The following SYMPK variants were observed in gnomAD, a reference collection of about 807,000 sequenced individuals.
The protein encoded by SYMPK is symplekin.
In SYMPK, 49 loss-of-function variants were observed where a neutral mutation model predicts 136.4. The ratio of observed to expected loss-of-function variants is 0.36; its 90% CI spans 0.29 to 0.46. The LOEUF (loss-of-function observed/expected upper bound fraction) is 0.46, where lower values mean the gene tolerates loss of function less well. SYMPK is among the 20% of genes least tolerant of loss of function. The probability of loss-of-function intolerance (pLI) is 1.00; values close to 1 mark genes in which losing one functional copy is unlikely to be tolerated. For synonymous variants in SYMPK, 766 were observed against 713.0 expected (o/e 1.07, Z -1.19); for missense variants, 1,365 against 1,690.0 (o/e 0.81, Z 3.37).
intron 1 of SYMPK, among the ~76,000 whole-genome samples, chr19:45,861,403 A>G (rs1971964015): frequency 6.6e-6 from 1 of 152,198 alleles, no homozygotes; most frequent in Non-Finnish European, 1.5e-5. Context: ...AAAAATGAAA[A>G]TAAAAAAACC....
At position 45,831,407 on chromosome 19, in the gene SYMPK, G is replaced by T; in HGVS notation, c.1575C>A (p.Pro525=). Residue 525 remains proline (P), a synonymous_variant, in exon 12 of 27, where the codon CCC becomes CCA. Transcript: ENST00000245934. ...EAPQAKRRPE[P]IIPVTQPRLA... is the part of the protein sequence containing the mutation. Reference sequence around the variant, plus strand: ...ACCGGGGCTGAGTGACAGGGATAATGGGCTCTGGCCTCCTCTTGGCCTGCG... The same window carrying T: ...ACCGGGGCTGAGTGACAGGGATAATTGGCTCTGGCCTCCTCTTGGCCTGCG... 1 of 1,586,548 alleles carries T rather than the reference G, an allele frequency of 6.3e-7. No individual in the cohort carries two copies. Among genetic ancestry groups the T allele is most frequent in the East Asian group, 2.3e-5 (1 of 43,684 alleles).
intron 7 of SYMPK, 60 bp downstream of exon 7, chr19:45,847,692 C>G: frequency 6.4e-7 from 1 of 1,562,512 alleles, no homozygotes; most frequent in Non-Finnish European, 8.7e-7. Flanking sequence ...GAGGGAGGGG[C>G]GTGAAGGAGA....
chr19:45,822,473 G>A (rs1238428570), intron 21 of SYMPK, among the ~76,000 whole-genome samples: 1 of 152,174 alleles, frequency 6.6e-6, no homozygotes, highest in African/African-American at 2.4e-5. Context: ...CTGGAGCCGG[G>A]CCTGAGAGGG....
chr19:45,843,634 A>C (rs2146331152), intron 8 of SYMPK, among the ~76,000 whole-genome samples: 1 of 152,222 alleles, frequency 6.6e-6, no homozygotes, highest in South Asian at 2.1e-4. Flanking sequence ...TCCACCACGG[A>C]GCTACATTTC....
At chr19:45,836,382 G>C (rs933273361) in intron 10 of SYMPK, among the ~76,000 whole-genome samples, 1 of 152,058 alleles carries the variant, frequency 6.6e-6, no homozygotes, top group African/African-American at 2.4e-5. Context: ...TGTAATCATA[G>C]CACTTTGGGA....
At chr19:45,838,422 T>C in intron 10 of SYMPK, 39 bp downstream of exon 10, 1 of 1,590,880 alleles carries the variant, frequency 6.3e-7, no homozygotes, top group Non-Finnish European at 8.6e-7. Flanking sequence ...AGATCCTTCC[T>C]TCCTGCCCAG....
intron 1 of SYMPK, among the ~76,000 whole-genome samples, chr19:45,860,534 T>A (rs1205929913): frequency 6.6e-6 from 1 of 151,966 alleles, no homozygotes; most frequent in African/African-American, 2.4e-5. Context: ...ACACTTAATA[T>A]GTGCTAAGCA....
Position 45,821,920 on chromosome 19 carries a change from T to TG in SYMPK, c.2792-436dup, listed in dbSNP as rs775908760. Among the ~76,000 whole-genome samples, 17 of 151,950 alleles carry TG rather than the reference T, an allele frequency of 1.1e-4. No homozygotes were observed. The highest frequency in any genetic ancestry group is 2.1e-4 in the Non-Finnish European group (14 of 67,968). On this transcript the variant is annotated intron_variant, in intron 21 of 26. Coordinates refer to ENST00000245934, the MANE Select transcript of SYMPK (RefSeq NM_004819.3). The surrounding 1 kb of genome is among the most constrained non-coding windows in gnomAD (Gnocchi z 4.4). ...CTGGAGCCTTCTGCTGTGTGGGGCC[T>TG]GGGGGAGTGGAGGGGAGGCTGGTGG...
Position 45,816,160 on chromosome 19 carries a change from C to G in SYMPK, c.3378G>C (p.Leu1126Phe). ...LEEDDLEPLTLAPAPAPRPPQ... is the reference protein window; with the variant it reads ...LEEDDLEPLTFAPAPAPRPPQ... ...GGGGCCGGGGTGCTGGGGCCGGGGC[C>G]AAGGTCAGGGGCTCCAGATCATCCT... is the stretch of plus-strand genomic sequence containing the variant. Residue 1126 changes from leucine to phenylalanine, a missense_variant, in exon 26 of 27, where the codon TTG becomes TTC. Physicochemically the swap from Leu to Phe is conservative, Grantham distance 22. Coordinates refer to ENST00000245934, the MANE Select transcript of SYMPK (RefSeq NM_004819.3). 3.2e-6 allele frequency: 5 copies of G among 1,544,394 alleles called. No homozygotes were observed. Among genetic ancestry groups the G allele is most frequent in the Non-Finnish European group, 4.4e-6 (5 of 1,141,810 alleles).
In SYMPK at chr19:45,823,786, C is replaced by T; in HGVS notation, c.2580G>A (p.Leu860=). Residue 860 remains leucine, a synonymous_variant, in exon 19 of 27, where the codon CTG becomes CTA. Transcript: ENST00000245934. ...KGAETLVTRC[L]HSLTDKVPPS... ...GGTCACCTTTGTCTGTGAGGCTGTG[C>T]AGACATCTCGTGACCAGTGTCTCTG... The T allele has an allele frequency of 1.2e-6, 2 of 1,614,034 alleles. No homozygotes were observed. The highest frequency in any genetic ancestry group is 1.7e-6 in the Non-Finnish European group (2 of 1,179,950).
chr19:45,847,721 G>A, intron 7 of SYMPK, 31 bp downstream of exon 7: 1 of 1,595,234 alleles, frequency 6.3e-7, no homozygotes. Flanking sequence ...GTGCAGGGCT[G>A]TCAGGGGTGG....
At chr19:45,829,527 T>C (rs1971121403) in intron 13 of SYMPK, among the ~76,000 whole-genome samples, 1 of 152,012 alleles carries the variant, frequency 6.6e-6, no homozygotes, top group African/African-American at 2.4e-5. Context: ...AGGGATGGGG[T>C]GCAGGTGATG....
chr19:45,854,163 C>A lies in SYMPK; in HGVS notation c.171+12G>T. The A allele has an allele frequency of 6.2e-7, 1 of 1,614,138 alleles. No homozygotes were observed. Among genetic ancestry groups the A allele is most frequent in the Non-Finnish European group, 8.5e-7 (1 of 1,179,976 alleles). ...TCACCTGCTCAGCCCAGGATGCCCCCCGGGCCCTCACCTGTTTGAGCACTG... is the reference window on the plus strand; with the variant it reads ...TCACCTGCTCAGCCCAGGATGCCCCACGGGCCCTCACCTGTTTGAGCACTG... On this transcript the variant is annotated intron_variant, in intron 3 of 26. Coordinates refer to ENST00000245934, the MANE Select transcript of SYMPK (RefSeq NM_004819.3).
chr19:45,823,230 T>A, intron 20 of SYMPK, 142 bp downstream of exon 20: 1 of 841,530 alleles, frequency 1.2e-6, no homozygotes, highest in African/African-American at 1.7e-5. Context: ...GCGGCTTCCA[T>A]GACTTCTGAC....
At chr19:45,860,632 A>C (rs1010400053) in intron 1 of SYMPK, among the ~76,000 whole-genome samples, 14 of 152,144 alleles carry the variant, frequency 9.2e-5, no homozygotes, top group African/African-American at 3.4e-4. Flanking sequence ...ATTAATATAC[A>C]TGAGTTAGGT....
chr19:45,850,803 G>A (rs1309316734), intron 5 of SYMPK, among the ~76,000 whole-genome samples: 2 of 152,090 alleles, frequency 1.3e-5, no homozygotes, highest in African/African-American at 4.8e-5. Context: ...CTGATATTTT[G>A]CGGGAAGAAT....
intron 1 of SYMPK, among the ~76,000 whole-genome samples, chr19:45,858,522 C>CT (rs968822252): frequency 1.5e-4 from 23 of 149,344 alleles, no homozygotes; most frequent in South Asian, 6.4e-4. Context: ...GACTATGTTT[C>CT]TTTTTTTTTT....
At chr19:45,815,801 C>T in intron 26 of SYMPK, 50 bp downstream of exon 26, 1 of 1,596,708 alleles carries the variant, frequency 6.3e-7, no homozygotes, top group Non-Finnish European at 8.5e-7. Context: ...CCACCTTCAC[C>T]CCGGCCCAGA....
At position 45,828,879 on chromosome 19, in the gene SYMPK, G is replaced by A. The variant is rs998211620; in HGVS notation, c.1985+91C>T. The A allele has an allele frequency of 1.4e-5, 18 of 1,298,094 alleles. No homozygotes were observed. In the Admixed American group the frequency reaches 1.8e-4, roughly 13 times the overall value. The allele number at this position is 1,298,094 out of a possible 1,614,324, so 80.4% of individuals were successfully genotyped here. A position where few individuals can be genotyped will look rare whatever the true frequency, so the allele number is the denominator to read the frequency against. On this transcript the variant is annotated intron_variant, in intron 14 of 26. Coordinates refer to ENST00000245934, the MANE Select transcript of SYMPK (RefSeq NM_004819.3). ...GAGGAGGACTGACTCGGGGGGTGAC[G>A]AAGAGGGAGGTGGTCGCAATCAGAA... is the stretch of plus-strand genomic sequence containing the variant.
Sources: gnomAD v4.1 joint callset for allele counts (sites outside exome capture counted in the v4.1 genomes callset) on GRCh38, gnomAD v4.1.1 for gene constraint, Gnocchi (gnomAD v3.1) non-coding constraint, MANE v1.5 for transcripts, NCBI Gene and HGNC (gene_info 2026-07-23, HGNC 2026-07-21) for gene names.